Variants in PAICS observed in about 807,000 individuals in gnomAD.
PAICS encodes phosphoribosylaminoimidazole carboxylase and phosphoribosylaminoimidazolesuccinocarboxamide synthase.
Under a neutral mutation model 53.7 loss-of-function variants are expected in PAICS, and 33 were observed. The observed-to-expected ratio is 0.61, with a 90% CI of 0.47 to 0.82. PAICS has a LOEUF of 0.82. PAICS is among the 40% of genes least tolerant of loss of function. PAICS has a pLI of 0.00. For synonymous variants in PAICS, 141 were observed against 167.2 expected, an observed-to-expected ratio of 0.84 and a Z score of 1.21; for missense variants, 394 against 494.1, an observed-to-expected ratio of 0.80 and a Z score of 1.92.
At chr4:56,435,308 G>T, upstream of PAICS, 3 of 1,610,744 alleles carry the variant, frequency 1.9e-6, no homozygotes, top group Non-Finnish European at 2.5e-6. Flanking sequence ...GGCTCCGAGA[G>T]ATGGAGACGC....
At chr4:56,425,460 T>C in the PAICS span, 1 of 850,776 alleles carries the variant, frequency 1.2e-6, no homozygotes, top group Non-Finnish European at 1.4e-6. Flanking sequence ...GACATAGGTA[T>C]GCTGCTAATC....
upstream of PAICS, chr4:56,435,907 T>C: frequency 6.7e-7 from 1 of 1,487,604 alleles, no homozygotes. Context: ...CCTGCATGCT[T>C]CCCCCAGGCC....
Position 56,436,306 on chromosome 4 carries a change from T to TCC in PAICS, c.-7_-6insCC. On this transcript the variant is annotated 5_prime_UTR_variant, in exon 1 of 9. Coordinates refer to ENST00000512576, the MANE Select transcript of PAICS (RefSeq NM_001079524.2). ...GCGCGGTCGCAGCCCTCAGCCCACT[T>TCC]AGGATAATGGCGACAGCTGAGGGTG... The TCC allele has an allele frequency of 6.2e-7, 1 of 1,602,350 alleles. No individual in the cohort carries two copies. Among genetic ancestry groups the TCC allele is most frequent in the African/African-American group, 1.3e-5 (1 of 74,532 alleles).
the PAICS span, chr4:56,410,975 A>T: frequency 1.1e-6 from 1 of 933,112 alleles, no homozygotes; most frequent in Non-Finnish European, 1.3e-6. Flanking sequence ...TATGAACTGT[A>T]AAAGTTCAGG....
chr4:56,451,811 C>G (rs1718930611), intron 6 of PAICS, 61 bp from the exon 7 acceptor site: 1 of 1,048,576 alleles, frequency 9.5e-7, no homozygotes, highest in Non-Finnish European at 1.3e-6. Context: ...ACTACAAACT[C>G]TAGCTCATTT....
rs1301005664 is a variant in PAICS at position 56,461,293 on chromosome 4, CAT to C, written c.*1756_*1757del. 10 of 152,182 alleles carry C rather than the reference CAT, an allele frequency of 6.6e-5. No homozygotes were observed. The highest frequency in any genetic ancestry group is 4.6e-4 in the Admixed American group (7 of 15,272). 9.4% of individuals were successfully genotyped at this position (152,182 alleles called of 1,614,324 possible). On this transcript the variant is annotated 3_prime_UTR_variant, in exon 9 of 9. Transcript: ENST00000512576. ...TCAGAGATTAGTAAATTATAAAACT[CAT>C]GTGTACTACTTAAGTTTATATCTTA... is the stretch of plus-strand genomic sequence containing the variant.
chr4:56,414,753 A>G, the PAICS span, among the ~76,000 whole-genome samples: 1,698 of 152,202 alleles, frequency 0.011, 30 homozygotes, highest in African/African-American at 0.036. Flanking sequence ...CCCTGCCTTT[A>G]TTTACTGCTC....
intron 3 of PAICS, 137 bp from the exon 4 acceptor site, chr4:56,448,281 A>G: frequency 1.8e-6 from 1 of 566,856 alleles, no homozygotes. Flanking sequence ...CTGGGATTAC[A>G]GGCATGAGCC....
upstream of PAICS, among the ~76,000 whole-genome samples, chr4:56,435,187 C>A (rs953103453): frequency 2.0e-5 from 3 of 152,196 alleles, no homozygotes; most frequent in South Asian, 6.2e-4. Flanking sequence ...AGGTGCCCCT[C>A]GTGCACGCCT....
chr4:56,453,201 T>G (rs1719002783), intron 7 of PAICS, among the ~76,000 whole-genome samples: 2 of 152,166 alleles, frequency 1.3e-5, no homozygotes, highest in African/African-American at 4.8e-5. Context: ...ACCCCTAGTT[T>G]ATATTAACTG....
At chr4:56,414,515 A>G in the PAICS span, among the ~76,000 whole-genome samples, 2 of 152,140 alleles carry the variant, frequency 1.3e-5, no homozygotes, top group African/African-American at 4.8e-5. Flanking sequence ...CACTCCTCTT[A>G]TTTTATACAA....
chr4:56,430,137 T>A, the PAICS span, among the ~76,000 whole-genome samples: 1 of 152,190 alleles, frequency 6.6e-6, no homozygotes. Flanking sequence ...CATTACTTTT[T>A]AAAATCTATT....
chr4:56,436,278 C>T lies in PAICS; in HGVS notation c.-35C>T. On this transcript the variant is annotated 5_prime_UTR_variant, in exon 1 of 9. Transcript: ENST00000512576. ...CTTTTCTAGAGTTCTGCCTCGCTTC[C>T]CGGCGCGGTCGCAGCCCTCAGCCCA... The T allele has an allele frequency of 1.3e-6, 2 of 1,593,046 alleles. No individual in the cohort carries two copies. The highest frequency in any genetic ancestry group is 8.5e-7 in the Non-Finnish European group (1 of 1,170,388).
chr4:56,440,621 C>G (rs2681325), intron 1 of PAICS, among the ~76,000 whole-genome samples: 5 of 152,226 alleles, frequency 3.3e-5, no homozygotes, highest in African/African-American at 1.2e-4. Context: ...TCTCCTTTGG[C>G]TAAATTTCGA....
At chr4:56,417,278 T>C in the PAICS span, among the ~76,000 whole-genome samples, 1 of 152,018 alleles carries the variant, frequency 6.6e-6, no homozygotes, top group African/African-American at 2.4e-5. Flanking sequence ...CATTAAATAT[T>C]TGTAACCTAA....
chr4:56,427,078 T>C, the PAICS span, among the ~76,000 whole-genome samples: 1 of 152,252 alleles, frequency 6.6e-6, no homozygotes, highest in Non-Finnish European at 1.5e-5. Context: ...CAGAATTTCC[T>C]TCATTTTAAT....
chr4:56,457,099 CAA>C (rs1457571056), intron 8 of PAICS, among the ~76,000 whole-genome samples: 1 of 152,130 alleles, frequency 6.6e-6, no homozygotes, highest in African/African-American at 2.4e-5. Flanking sequence ...TCCCCTAGTT[CAA>C]AGACGCCAAG....
At chr4:56,453,545 CCT>C (rs1719029662) in intron 7 of PAICS, 56 bp from the exon 8 acceptor site, 2 of 1,194,596 alleles carry the variant, frequency 1.7e-6, no homozygotes, top group Non-Finnish European at 2.3e-6. Context: ...AAAAAAAAAC[CCT>C]GTCTTTAAAT....
At chr4:56,435,826 C>G, upstream of PAICS, 1 of 1,506,838 alleles carries the variant, frequency 6.6e-7, no homozygotes, top group Non-Finnish European at 8.9e-7. Flanking sequence ...CAGCACCCAA[C>G]AGTAGCGTAA....
Sources: allele counts gnomAD v4.1 joint callset (sites outside exome capture counted in the v4.1 genomes callset), GRCh38; gene constraint gnomAD v4.1.1; transcripts MANE v1.5; gene names NCBI Gene and HGNC (gene_info 2026-07-23, HGNC 2026-07-21).